ALDH16A1: variants seen among roughly 807,000 people sequenced by gnomAD.
The protein encoded by ALDH16A1 is aldehyde dehydrogenase family 16 member A1.
Under a neutral mutation model 96.1 loss-of-function variants are expected in ALDH16A1, and 88 were observed. The observed-to-expected ratio is 0.92, with a 90% confidence interval of 0.77 to 1.09. ALDH16A1 has a LOEUF of 1.09. Among genes scored for constraint, ALDH16A1 ranks in the 50% least tolerant of loss-of-function variants. The pLI, the probability that ALDH16A1 is intolerant of heterozygous loss-of-function variation, is 0.00. For missense variants in ALDH16A1, 1,250 were observed against 1,112.6 expected (o/e 1.12, Z -1.76); for synonymous variants, 522 against 496.4 (o/e 1.05, Z -0.69).
At chr19:49,461,288 GGGACCTGGACTCCT>G (rs2079141491) in intron 5 of ALDH16A1, among the ~76,000 whole-genome samples, 1 of 140,600 alleles carries the variant, frequency 7.1e-6, no homozygotes, top group African/African-American at 3.1e-5. Context: ...AGGAGGGGCT[GGGACCTGGACTCCT>G]GGGTCTGAGG....
rs1299460831 is a variant in ALDH16A1, at chr19:49,461,884, G to A, written c.760G>A (p.Glu254Lys). Residue 254 changes from glutamate (E) to lysine (K), a missense_variant and splice_region_variant, in exon 7 of 17, where the codon GAA becomes AAA. Physicochemically the swap from Glu to Lys is moderately conservative, Grantham distance 56. Coordinates refer to ENST00000293350, the MANE Select transcript of ALDH16A1 (RefSeq NM_153329.4). ...CGGCTGAACTGGGGGGGGTCCCTAG[G>A]AAGGGCGTGCCCTTCGACGGAGCCT... ...RKVAFCGAPE[E>K]GRALRRSLAG... is the part of the protein sequence containing the mutation. 1.9e-6 allele frequency: 3 copies of A among 1,587,692 alleles called. No individual in the cohort carries two copies. The highest frequency in any genetic ancestry group is 2.6e-6 in the Non-Finnish European group (3 of 1,167,294).
chr19:49,462,914 G>C (rs2079164070), intron 8 of ALDH16A1, among the ~76,000 whole-genome samples, 159 bp downstream of exon 8: 1 of 138,254 alleles, frequency 7.2e-6, no homozygotes, highest in African/African-American at 2.8e-5. Flanking sequence ...GAGGGGCTGG[G>C]CCTGGACTCC....
chr19:49,465,638 A>C lies in ALDH16A1; in HGVS notation c.1569-100A>C, dbSNP rs73931796. The stretch of plus-strand genomic sequence containing the variant: ...GGAACAGGGGTTTGGGGTGCCCCAG[A>C]GGCTCACGGGAGCCAAGGCAGTCTT... On this transcript the variant is annotated intron_variant, in intron 12 of 16. Coordinates refer to ENST00000293350, the MANE Select transcript of ALDH16A1 (RefSeq NM_153329.4). 349 of 1,398,794 alleles carry C rather than the reference A, an allele frequency of 2.5e-4. 1 individual carries two copies. The African/African-American group carries it at 4.4e-3, about 18-fold the overall frequency. The allele number at this position is 1,398,794 out of a possible 1,614,324, so 86.6% of individuals were successfully genotyped here.
At position 49,455,024 on chromosome 19, in the gene ALDH16A1, G is replaced by A. The variant is rs149790549; in HGVS notation, c.90+1603G>A. Among the ~76,000 whole-genome samples the A allele has an allele frequency of 8.1e-3, 1,204 of 148,980 alleles. 21 individuals carry two copies. The highest frequency in any genetic ancestry group is 0.029 in the African/African-American group (1,131 of 38,904). On this transcript the variant is annotated intron_variant, in intron 1 of 16. Transcript: ENST00000293350. ...TCCTAGCTACTTGGGAGGCTGAGGT[G>A]GGAGAATTGCTTGAATCCAGGAGGC...
In ALDH16A1 at chr19:49,462,717, C is replaced by T. The variant is rs563044899; in HGVS notation, c.1060C>T (p.Gln354Ter). Residue 354 changes from glutamine to a stop codon, truncating the protein, a stop_gained, in exon 8 of 17, where the codon CAG (glutamine) becomes TAG (stop). Transcript: ENST00000293350. LOFTEE classifies it high-confidence loss of function. ...ARGAAACDLV[Q>*]RFVREAQSQG... ...GGGGGCTGCCGCATGTGACCTGGTC[C>T]AGCGCTTTGTGCGTGAGGCCCAGAG... 1 of 1,603,666 alleles carries T rather than the reference C, an allele frequency of 6.2e-7. No individual in the cohort carries two copies. Among genetic ancestry groups the T allele is most frequent in the East Asian group, 2.2e-5 (1 of 44,556 alleles).
intron 1 of ALDH16A1, 74 bp downstream of exon 1, chr19:49,453,495 C>G (rs1212568553): frequency 1.5e-6 from 2 of 1,348,456 alleles, no homozygotes; most frequent in Non-Finnish European, 2.0e-6. Flanking sequence ...CGGGGAGTCC[C>G]GTCATCCACT....
intron 1 of ALDH16A1, 92 bp downstream of exon 1, chr19:49,453,513 CT>C (rs1442571840): frequency 8.4e-7 from 1 of 1,196,736 alleles, no homozygotes; most frequent in Non-Finnish European, 1.2e-6. Flanking sequence ...ACTGCGGTAG[CT>C]CAGCCGCTCC....
chr19:49,464,849 C>CG, intron 12 of ALDH16A1, 87 bp downstream of exon 12: 1 of 1,580,160 alleles, frequency 6.3e-7, no homozygotes, highest in Non-Finnish European at 8.6e-7. Context: ...AGGGCTGGCG[C>CG]GAGGTCCATC....
At position 49,453,325 on chromosome 19, in the gene ALDH16A1, G is replaced by A; in HGVS notation, c.-7G>A. On this transcript the variant is annotated 5_prime_UTR_variant, in exon 1 of 17. Transcript: ENST00000293350. The stretch of plus-strand genomic sequence containing the variant: ...GCAGTCTTCGCGGAAAGCGTTCGGG[G>A]TAGGCGATGGCTGCGACGCGTGCAG... 1 of 1,559,744 alleles carries A rather than the reference G, an allele frequency of 6.4e-7. No homozygotes were observed. Among genetic ancestry groups the A allele is most frequent in the Non-Finnish European group, 8.7e-7 (1 of 1,155,012 alleles).
Position 49,470,646 on chromosome 19 carries a change from T to TTA in ALDH16A1, c.*180_*181insAT. The stretch of plus-strand genomic sequence containing the variant: ...AACTTCTGGCAGATATGAGGCTTTT[T>TTA]TCTTTTTTTTTTTTTTTTTTGAGAC... On this transcript the variant is annotated 3_prime_UTR_variant, in exon 17 of 17. Coordinates refer to ENST00000293350, the MANE Select transcript of ALDH16A1 (RefSeq NM_153329.4). 1.3e-4 allele frequency: 73 copies of TTA among 546,618 alleles called. No homozygotes were observed. The highest frequency in any genetic ancestry group is 1.8e-4 in the Non-Finnish European group (67 of 367,094). The allele number at this position is 546,618 out of a possible 1,614,324, so 33.9% of individuals were successfully genotyped here.
In ALDH16A1 at chr19:49,454,751, G is replaced by A. The variant is rs572067094; in HGVS notation, c.90+1330G>A. On this transcript the variant is annotated intron_variant, in intron 1 of 16. Transcript: ENST00000293350. ...ACAGCCTAGAACTTGGGGAGGCCAA[G>A]ACGGGCAGATCGCCTGAGCTCAGGA... Among the ~76,000 whole-genome samples the A allele has an allele frequency of 3.3e-5, 5 of 152,338 alleles. No homozygotes were observed. The East Asian group carries it at 9.7e-4, about 29-fold the overall frequency.
In ALDH16A1 at chr19:49,470,490, T is replaced by C; in HGVS notation, c.*23T>C. On this transcript the variant is annotated 3_prime_UTR_variant, in exon 17 of 17. Transcript: ENST00000293350. ...TGATGCCTGAGCGCCACCTACTGCATTTTGGACACCTCACACCAAGGGGAG... is the reference window on the plus strand; with the variant it reads ...TGATGCCTGAGCGCCACCTACTGCACTTTGGACACCTCACACCAAGGGGAG... 2 of 1,519,878 alleles carry C rather than the reference T, an allele frequency of 1.3e-6. No individual in the cohort carries two copies. Among genetic ancestry groups the C allele is most frequent in the Non-Finnish European group, 1.8e-6 (2 of 1,135,912 alleles). 94.1% of individuals were successfully genotyped at this position (1,519,878 alleles called of 1,614,324 possible).
rs865888467 is a variant in ALDH16A1, at chr19:49,461,924, C to G, written c.800C>G (p.Ala267Gly). The part of the protein sequence containing the change: ...ALRRSLAGEC[A>G]ELGLALGTES... ...CGACGGAGCCTGGCGGGAGAGTGTG[C>G]GGAGCTGGGCCTGGCGCTGGGGACG... Residue 267 changes from alanine to glycine, a missense_variant, in exon 7 of 17, where the codon GCG becomes GGG. Coordinates refer to ENST00000293350, the MANE Select transcript of ALDH16A1 (RefSeq NM_153329.4). 1.1e-5 allele frequency: 18 copies of G among 1,574,694 alleles called. No homozygotes were observed. The African/African-American group carries it at 1.4e-4, about 12-fold the overall frequency.
At chr19:49,454,446 T>C (rs555899238) in intron 1 of ALDH16A1, among the ~76,000 whole-genome samples, 4 of 152,038 alleles carry the variant, frequency 2.6e-5, no homozygotes, top group Non-Finnish European at 5.9e-5. Flanking sequence ...CCTGAAGTCC[T>C]CGTGAGGGTC....
chr19:49,459,177 C>T lies in ALDH16A1; in HGVS notation c.320+91C>T. On this transcript the variant is annotated intron_variant, in intron 3 of 16. Transcript: ENST00000293350. This position sits in a 1 kb window ranked among gnomAD's most constrained non-coding sequence, Gnocchi z 4.1. ...ACAAAGGCTATTTCCCAAGATCCCA[C>T]TGAATTAATTTGCAGCTAAGGCTCA... is the stretch of plus-strand genomic sequence containing the variant. 1 of 1,521,966 alleles carries T rather than the reference C, an allele frequency of 6.6e-7. No homozygotes were observed. Among genetic ancestry groups the T allele is most frequent in the East Asian group, 2.3e-5 (1 of 43,872 alleles). 94.3% of individuals were successfully genotyped at this position (1,521,966 alleles called of 1,614,324 possible).
intron 1 of ALDH16A1, among the ~76,000 whole-genome samples, chr19:49,456,705 A>G: frequency 6.6e-6 from 1 of 152,120 alleles, no homozygotes; most frequent in Middle Eastern, 3.2e-3. Context: ...TCATTCTTTA[A>G]TGTCATCTGA....
At position 49,454,031 on chromosome 19, in the gene ALDH16A1, G is replaced by GTTTTTTTTTT. The variant is rs3033555; in HGVS notation, c.90+612_90+621dup. On this transcript the variant is annotated intron_variant, in intron 1 of 16. Transcript: ENST00000293350. ...CCGGTTTGGGTTGGGTTTTTTTTTT[G>GTTTTTTTTTT]TTTTTTTTTTTGAGCCAGGGTCTCA... 4.4e-5 allele frequency among the ~76,000 whole-genome samples: 6 copies of GTTTTTTTTTT among 135,180 alleles called. 1 individual carries two copies. The highest frequency in any genetic ancestry group is 7.8e-5 in the Admixed American group (1 of 12,760). The allele number at this position is 135,180 out of a possible 152,430, so 88.7% of individuals were successfully genotyped here. A position where few individuals can be genotyped will look rare whatever the true frequency, so the allele number is the denominator to read the frequency against.
rs143289939 is a variant in ALDH16A1, at chr19:49,469,195, A to G, written c.2247+209A>G. 206 of 607,094 alleles carry G rather than the reference A, an allele frequency of 3.4e-4. 1 individual carries two copies. In the East Asian group the frequency reaches 6.0e-3, roughly 18 times the overall value. 37.6% of individuals were successfully genotyped at this position (607,094 alleles called of 1,614,324 possible). A position where few individuals can be genotyped will look rare whatever the true frequency, so the allele number is the denominator to read the frequency against. Reference sequence around the variant, plus strand: ...CAGGGGCCTGAGAGCTGCCTAGCCCAAAGACCTCGTCTCAGGGGACAGCCC... The same window carrying G: ...CAGGGGCCTGAGAGCTGCCTAGCCCGAAGACCTCGTCTCAGGGGACAGCCC... On this transcript the variant is annotated intron_variant, in intron 16 of 16. Coordinates refer to ENST00000293350, the MANE Select transcript of ALDH16A1 (RefSeq NM_153329.4).
In ALDH16A1 at chr19:49,461,945, G is replaced by A. The variant is rs2079152788; in HGVS notation, c.821G>A (p.Gly274Glu). Residue 274 changes from glycine (G) to glutamate (E), a missense_variant, in exon 7 of 17, where the codon GGG (glycine) becomes GAG (glutamate). Gly to Glu is a moderately conservative substitution (Grantham distance 98). Transcript: ENST00000293350. Reference sequence around the variant, plus strand: ...TGTGCGGAGCTGGGCCTGGCGCTGGGGACGGAGTCGCTGCTGCTGCTGACG... The same window carrying A: ...TGTGCGGAGCTGGGCCTGGCGCTGGAGACGGAGTCGCTGCTGCTGCTGACG... ...GECAELGLAL[G>E]TESLLLLTDT... 6.4e-7 allele frequency: 1 copy of A among 1,571,240 alleles called. No homozygotes were observed.
Sources: allele counts gnomAD v4.1 joint callset (sites outside exome capture counted in the v4.1 genomes callset), GRCh38; gene constraint gnomAD v4.1.1; non-coding constraint Gnocchi (gnomAD v3.1); transcripts MANE v1.5; gene names NCBI Gene and HGNC (gene_info 2026-07-23, HGNC 2026-07-21).